The following P4HA1 variants were observed in gnomAD, a reference collection of about 807,000 sequenced individuals.
P4HA1 encodes the protein prolyl 4-hydroxylase subunit alpha-1.
A neutral mutation model predicts 72.8 loss-of-function variants in P4HA1; 24 were observed. That is an observed-to-expected ratio of 0.33 (90% CI 0.24 to 0.46). The LOEUF is 0.46. Among genes scored for constraint, P4HA1 ranks in the 20% least tolerant of loss-of-function variants. The pLI is 1.00. For synonymous variants in P4HA1, 201 were observed against 218.8 expected, an observed-to-expected ratio of 0.92 and a Z score of 0.72; for missense variants, 446 against 640.6, an observed-to-expected ratio of 0.70 and a Z score of 3.28.
At chr10:73,096,059 A>T (rs918712449) in intron 1 of P4HA1, among the ~76,000 whole-genome samples, 7 of 152,158 alleles carry the variant, frequency 4.6e-5, no homozygotes, top group Admixed American at 2.6e-4. Context: ...GTCTCTTTTT[A>T]AAAAAAGTTA....
rs1239074874 is a variant in P4HA1 at position 73,072,213 on chromosome 10, A to G, written c.174-33T>C. On this transcript the variant is annotated intron_variant, in intron 3 of 14. Transcript: ENST00000394890. Reference sequence around the variant, plus strand: ...TGTAAAACATAAAAACTGAATATTTATATTTCATAGGGAAAAACACAATTT... The same window carrying G: ...TGTAAAACATAAAAACTGAATATTTGTATTTCATAGGGAAAAACACAATTT... The G allele has an allele frequency of 5.8e-6, 9 of 1,553,496 alleles. No homozygotes were observed. The East Asian group carries it at 1.8e-4, about 31-fold the overall frequency.
intron 5 of P4HA1, among the ~76,000 whole-genome samples, chr10:73,055,376 G>C (rs894073021): frequency 3.3e-5 from 5 of 152,198 alleles, no homozygotes; most frequent in Non-Finnish European, 7.3e-5. Flanking sequence ...GCTAATTTTT[G>C]TATTTTTAGT....
chr10:73,082,889 A>G (rs1841855254), intron 1 of P4HA1, among the ~76,000 whole-genome samples: 1 of 54,330 alleles, frequency 1.8e-5, no homozygotes, highest in South Asian at 1.0e-3. Context: ...CTTCATTCAG[A>G]AAGCAGCTTG....
intron 11 of P4HA1, among the ~76,000 whole-genome samples, chr10:73,015,051 G>C (rs997253637): frequency 2.6e-5 from 4 of 151,560 alleles, no homozygotes; most frequent in African/African-American, 9.7e-5. Context: ...GACTGGTCTT[G>C]AACTCCTGAC....
intron 11 of P4HA1, among the ~76,000 whole-genome samples, chr10:73,014,822 TTC>T (rs1839979747): frequency 6.6e-6 from 1 of 150,526 alleles, no homozygotes; most frequent in South Asian, 2.1e-4. Context: ...TAGTATTATT[TTC>T]TTTTTTCTTT....
chr10:73,064,947 G>A (rs987745021), intron 5 of P4HA1, among the ~76,000 whole-genome samples: 4 of 152,186 alleles, frequency 2.6e-5, no homozygotes, highest in Admixed American at 6.5e-5. Context: ...CACTTCACAA[G>A]AACACTTAAT....
At chr10:73,080,046 G>C (rs1408136914) in intron 1 of P4HA1, among the ~76,000 whole-genome samples, 2 of 152,114 alleles carry the variant, frequency 1.3e-5, no homozygotes, top group Non-Finnish European at 2.9e-5. Context: ...CTATAAACAG[G>C]ACAAAGTCAT....
intron 10 of P4HA1, among the ~76,000 whole-genome samples, chr10:73,023,945 C>T (rs1840199614): frequency 6.6e-6 from 1 of 152,076 alleles, no homozygotes; most frequent in Non-Finnish European, 1.5e-5. Context: ...GCTAACTATT[C>T]TAAATATATA....
At chr10:73,053,315 A>G (rs1332699483) in intron 6 of P4HA1, 36 bp downstream of exon 6, 5 of 1,595,468 alleles carry the variant, frequency 3.1e-6, no homozygotes, top group Non-Finnish European at 8.6e-7. Context: ...ATCCCTCAAT[A>G]TAACTATAAC....
intron 10 of P4HA1, among the ~76,000 whole-genome samples, chr10:73,022,963 CAAAT>C (rs1589578998): frequency 1.3e-5 from 2 of 152,000 alleles, no homozygotes; most frequent in Non-Finnish European, 2.9e-5. Context: ...TAGAAAGAAA[CAAAT>C]AAAGCCTCCA....
chr10:73,024,024 C>G (rs1251136686), intron 10 of P4HA1, among the ~76,000 whole-genome samples: 1 of 152,128 alleles, frequency 6.6e-6, no homozygotes, highest in African/African-American at 2.4e-5. Flanking sequence ...GACTTAGACT[C>G]TCACACAATA....
chr10:73,096,715 G>C (rs562953149), intron 1 of P4HA1, 51 bp downstream of exon 1: 1 of 153,560 alleles, frequency 6.5e-6, no homozygotes, highest in Non-Finnish European at 1.5e-5. Context: ...GTCCGAGAAG[G>C]TCCACGGCTG....
rs1332733225 is a variant in P4HA1, at chr10:73,069,739, T to G, written c.326-756A>C. ...AATTGGTTTAAAATTTTAATATCAGTATCATTACTTGTGAATAAAAGTTAG... is the reference window on the plus strand; with the variant it reads ...AATTGGTTTAAAATTTTAATATCAGGATCATTACTTGTGAATAAAAGTTAG... On this transcript the variant is annotated intron_variant, in intron 4 of 14. Coordinates refer to ENST00000394890, the MANE Select transcript of P4HA1 (RefSeq NM_001017962.3). 7.2e-5 allele frequency among the ~76,000 whole-genome samples: 11 copies of G among 152,122 alleles called. No homozygotes were observed. In the South Asian group the frequency reaches 2.1e-3, roughly 29 times the overall value.
intron 5 of P4HA1, among the ~76,000 whole-genome samples, chr10:73,061,638 T>C (rs1841316527): frequency 6.6e-6 from 1 of 152,134 alleles, no homozygotes; most frequent in African/African-American, 2.4e-5. Flanking sequence ...AGGTGACTTA[T>C]ACCTATAGTC....
intron 1 of P4HA1, among the ~76,000 whole-genome samples, chr10:73,083,161 A>G (rs1841858995): frequency 6.6e-6 from 1 of 152,180 alleles, no homozygotes; most frequent in Admixed American, 6.5e-5. Context: ...AATTAGTTAT[A>G]TTTCTGTTCT....
At chr10:73,016,945 A>G (rs558473739) in intron 10 of P4HA1, 46 bp from the exon 11 acceptor site, 4 of 1,479,992 alleles carry the variant, frequency 2.7e-6, no homozygotes, top group East Asian at 4.6e-5. Context: ...TATAAAGATT[A>G]CTATTCAAAA....
At chr10:73,035,176 C>A (rs1019976512) in intron 9 of P4HA1, among the ~76,000 whole-genome samples, 1 of 151,804 alleles carries the variant, frequency 6.6e-6, no homozygotes, top group Admixed American at 6.6e-5. Context: ...AGACTATATT[C>A]CACAGCAGTG....
rs4405231 is a variant in P4HA1, at chr10:73,074,893, T to C, written c.-10A>G. 0.096 allele frequency: 126,739 copies of C among 1,326,578 alleles called. 10,616 individuals are homozygous for C. Among genetic ancestry groups the C allele is most frequent in the African/African-American group, 0.34 (22,908 of 68,070 alleles). 82.2% of individuals were successfully genotyped at this position (1,326,578 alleles called of 1,614,324 possible). ...ATATATACCAGATCATCTTGGAAGA[T>C]TTAATTTTACAGGATCACACACCTA... On this transcript the variant is annotated 5_prime_UTR_variant, in exon 2 of 15. Coordinates refer to ENST00000394890, the MANE Select transcript of P4HA1 (RefSeq NM_001017962.3).
intron 1 of P4HA1, among the ~76,000 whole-genome samples, chr10:73,086,600 A>C (rs1416797995): frequency 6.6e-6 from 1 of 152,226 alleles, no homozygotes; most frequent in African/African-American, 2.4e-5. Flanking sequence ...ATTGCATGGT[A>C]CGTGAATTAT....
Sources: allele counts gnomAD v4.1 joint callset (sites outside exome capture counted in the v4.1 genomes callset), GRCh38; gene constraint gnomAD v4.1.1; transcripts MANE v1.5; gene names NCBI Gene and HGNC (gene_info 2026-07-23, HGNC 2026-07-21).